RSRC1: variants seen among roughly 807,000 people sequenced by gnomAD.
The protein encoded by RSRC1 is arginine and serine rich coiled-coil 1.
Under a neutral mutation model 49.1 loss-of-function variants are expected in RSRC1, and 39 were observed. The observed-to-expected ratio is 0.79, with a 90% CI of 0.61 to 1.04. The LOEUF (loss-of-function observed/expected upper bound fraction) is 1.04, where lower values mean the gene tolerates loss of function less well. Ranked by LOEUF, RSRC1 falls within the 50% of genes least tolerant of loss-of-function variation. RSRC1 has a pLI of 0.00. For missense variants in RSRC1, 388 were observed against 402.4 expected (o/e 0.96, Z 0.31); for synonymous variants, 143 against 130.8 (o/e 1.09, Z -0.63).
At chr3:158,402,449 A>C (rs1391005138) in intron 6 of RSRC1, among the ~76,000 whole-genome samples, 2 of 151,830 alleles carry the variant, frequency 1.3e-5, no homozygotes, top group Non-Finnish European at 2.9e-5. Context: ...ATATCTTTAA[A>C]ATTTTTCTTT....
At chr3:158,423,492 G>C (rs1735203600) in intron 6 of RSRC1, among the ~76,000 whole-genome samples, 1 of 152,160 alleles carries the variant, frequency 6.6e-6, no homozygotes, top group Non-Finnish European at 1.5e-5. Flanking sequence ...TTGTAGTATA[G>C]TTTGAAGTCA....
chr3:158,338,186 A>G (rs138133140), intron 5 of RSRC1, among the ~76,000 whole-genome samples: 1 of 151,120 alleles, frequency 6.6e-6, no homozygotes, highest in African/African-American at 2.4e-5. Flanking sequence ...GGTTTTTAAT[A>G]AAGACAGCTA....
chr3:158,225,534 T>C (rs563012740), intron 4 of RSRC1: 1 of 312,664 alleles, frequency 3.2e-6, no homozygotes, highest in Admixed American at 4.5e-5. Context: ...AGAGAGTTTG[T>C]TTGTCTTGTT....
chr3:158,249,483 T>C (rs1276305652), intron 4 of RSRC1, among the ~76,000 whole-genome samples: 3 of 152,208 alleles, frequency 2.0e-5, no homozygotes, highest in Admixed American at 2.0e-4. Context: ...AATATTATGG[T>C]TTCTATGAAA....
chr3:158,205,406 T>C (rs951535769), intron 4 of RSRC1, among the ~76,000 whole-genome samples: 5 of 152,192 alleles, frequency 3.3e-5, no homozygotes, highest in African/African-American at 1.2e-4. Flanking sequence ...TTATCAAATA[T>C]GCACATTCAT....
chr3:158,457,600 A>G (rs1429908913), intron 6 of RSRC1, among the ~76,000 whole-genome samples: 3 of 152,224 alleles, frequency 2.0e-5, no homozygotes, highest in Non-Finnish European at 4.4e-5. Flanking sequence ...TAGAACGCCA[A>G]GAAGGCACAG....
At chr3:158,372,940 A>G (rs144064393) in intron 6 of RSRC1, among the ~76,000 whole-genome samples, 1 of 151,852 alleles carries the variant, frequency 6.6e-6, no homozygotes, top group Admixed American at 6.6e-5. Flanking sequence ...TAAATATTTC[A>G]TGTTCTGGGC....
intron 2 of RSRC1, among the ~76,000 whole-genome samples, chr3:158,122,562 TTTA>T (rs890143318): frequency 2.8e-5 from 4 of 141,178 alleles, no homozygotes; most frequent in African/African-American, 1.3e-4. Flanking sequence ...TTCTAGTGCA[TTTA>T]TTTATTTATT....
At chr3:158,218,434 T>G (rs563176042) in intron 4 of RSRC1, among the ~76,000 whole-genome samples, 1 of 151,672 alleles carries the variant, frequency 6.6e-6, no homozygotes, top group Non-Finnish European at 1.5e-5. Flanking sequence ...GTAAATGAGA[T>G]GCAGATGTTA....
chr3:158,266,873 C>T (rs577357354), intron 4 of RSRC1, among the ~76,000 whole-genome samples: 2 of 152,224 alleles, frequency 1.3e-5, no homozygotes, highest in East Asian at 3.9e-4. Flanking sequence ...AAATGATTCT[C>T]CTGCCTCAGC....
intron 3 of RSRC1, among the ~76,000 whole-genome samples, chr3:158,194,597 T>A (rs1220760159): frequency 6.6e-6 from 1 of 151,562 alleles, no homozygotes; most frequent in Non-Finnish European, 1.5e-5. Flanking sequence ...GCTGCACCCA[T>A]TAACTCGTCG....
At chr3:158,248,684 G>A (rs530087872) in intron 4 of RSRC1, among the ~76,000 whole-genome samples, 2 of 151,142 alleles carry the variant, frequency 1.3e-5, no homozygotes, top group East Asian at 1.9e-4. Flanking sequence ...TGCAACCTCC[G>A]CCTCCTGGGT....
intron 6 of RSRC1, among the ~76,000 whole-genome samples, chr3:158,454,921 CT>C (rs1411798569): frequency 2.0e-5 from 3 of 152,084 alleles, no homozygotes; most frequent in African/African-American, 7.3e-5. Flanking sequence ...CAGTAATTAC[CT>C]GCCCTTGCCT....
At chr3:158,129,655 A>C (rs562025652) in intron 3 of RSRC1, among the ~76,000 whole-genome samples, 12 of 152,116 alleles carry the variant, frequency 7.9e-5, no homozygotes, top group Non-Finnish European at 1.8e-4. Context: ...TAACTATACG[A>C]ATGTGACTCT....
chr3:158,175,188 GT>G (rs1283158939), intron 3 of RSRC1, among the ~76,000 whole-genome samples: 2 of 151,718 alleles, frequency 1.3e-5, no homozygotes, highest in Non-Finnish European at 2.9e-5. Context: ...ATTTGTGGCA[GT>G]TTTTAAGGGT....
chr3:158,527,077 CT>C (rs543523088), intron 7 of RSRC1, among the ~76,000 whole-genome samples: 23,253 of 110,064 alleles, frequency 0.21, 1,965 homozygotes, highest in South Asian at 0.25. Context: ...AGTTCAAAAT[CT>C]TTTTTTTTTT....
chr3:158,224,455 G>A (rs1488430482), intron 4 of RSRC1, among the ~76,000 whole-genome samples: 1 of 151,736 alleles, frequency 6.6e-6, no homozygotes, highest in Non-Finnish European at 1.5e-5. Flanking sequence ...ATGCTATGTA[G>A]ATTTCTGCAA....
At chr3:158,202,853 A>G (rs933269653) in intron 3 of RSRC1, among the ~76,000 whole-genome samples, 2 of 152,060 alleles carry the variant, frequency 1.3e-5, no homozygotes, top group African/African-American at 4.8e-5. Flanking sequence ...TTTTAACTGC[A>G]TCATAATTTC....
intron 4 of RSRC1, among the ~76,000 whole-genome samples, chr3:158,285,253 A>G (rs1448902891): frequency 6.6e-6 from 1 of 152,038 alleles, no homozygotes; most frequent in African/African-American, 2.4e-5. Context: ...ATTGATCTAT[A>G]TCTCTGTTTT....
Sources: gnomAD v4.1 joint callset for allele counts (sites outside exome capture counted in the v4.1 genomes callset) on GRCh38, gnomAD v4.1.1 for gene constraint, MANE v1.5 for transcripts, NCBI Gene and HGNC (gene_info 2026-07-23, HGNC 2026-07-21) for gene names.